The following BMERB1 variants were observed in gnomAD, a reference collection of about 807,000 sequenced individuals.
The protein encoded by BMERB1 is bMERB domain-containing protein 1.
In BMERB1, 12 loss-of-function variants were observed where a neutral mutation model predicts 23.6. That is an observed-to-expected ratio of 0.51 (90% CI 0.33 to 0.82). The LOEUF is 0.82. Among genes scored for constraint, BMERB1 ranks in the 40% least tolerant of loss-of-function variants. BMERB1 has a pLI of 0.03. For synonymous variants in BMERB1, 122 were observed against 96.6 expected, an observed-to-expected ratio of 1.26 and a Z score of -1.54; for missense variants, 247 against 255.4, an observed-to-expected ratio of 0.97 and a Z score of 0.22.
At chr16:15,499,036 A>T (rs777245294) in intron 1 of BMERB1, among the ~76,000 whole-genome samples, 3 of 152,218 alleles carry the variant, frequency 2.0e-5, no homozygotes, top group African/African-American at 4.8e-5. Flanking sequence ...CTTCCAGAGG[A>T]TTAGGCTGGA....
chr16:15,471,052 G>T (rs2051225224), intron 1 of BMERB1, among the ~76,000 whole-genome samples: 1 of 151,042 alleles, frequency 6.6e-6, no homozygotes, highest in South Asian at 2.1e-4. Context: ...GCCCAAGCTA[G>T]TCTTGAACTC....
rs1458670366 is a variant in BMERB1 at position 15,571,360 on chromosome 16, T to C, written c.304+3304T>C. ...AACTATGAGTCATACAAAAACCTAC[T>C]TTTTTTTTTTTTTTTGAGACGGAGT... On this transcript the variant is annotated intron_variant, in intron 3 of 5. Coordinates refer to ENST00000300006, the MANE Select transcript of BMERB1 (RefSeq NM_033201.3). Among the ~76,000 whole-genome samples, 5 of 116,394 alleles carry C rather than the reference T, an allele frequency of 4.3e-5. No homozygotes were observed. In the East Asian group the frequency reaches 1.0e-3, roughly 24 times the overall value. 76.4% of individuals were successfully genotyped at this position (116,394 alleles called of 152,430 possible).
chr16:15,501,621 C>T (rs2051531386), intron 1 of BMERB1, among the ~76,000 whole-genome samples: 1 of 152,176 alleles, frequency 6.6e-6, no homozygotes, highest in Admixed American at 6.6e-5. Context: ...ATTACAGGCA[C>T]ACACCACCAC....
intron 1 of BMERB1, among the ~76,000 whole-genome samples, chr16:15,503,351 G>A (rs2051549932): frequency 6.6e-6 from 1 of 151,584 alleles, no homozygotes; most frequent in Non-Finnish European, 1.5e-5. Flanking sequence ...GCGCGATCTC[G>A]GCTCACTGCA....
At chr16:15,531,701 A>G (rs992979623) in intron 2 of BMERB1, among the ~76,000 whole-genome samples, 2 of 152,202 alleles carry the variant, frequency 1.3e-5, no homozygotes, top group African/African-American at 4.8e-5. Context: ...AGATACCAGT[A>G]AATTGCATGT....
intron 3 of BMERB1, among the ~76,000 whole-genome samples, chr16:15,576,614 G>A (rs1419540200): frequency 6.6e-6 from 1 of 152,102 alleles, no homozygotes; most frequent in Non-Finnish European, 1.5e-5. Flanking sequence ...CAACAGAAAT[G>A]TATTCTCTCT....
chr16:15,449,452 C>T (rs1017231770), intron 1 of BMERB1, among the ~76,000 whole-genome samples: 1 of 152,132 alleles, frequency 6.6e-6, no homozygotes, highest in African/African-American at 2.4e-5. Flanking sequence ...TCACCCAGAC[C>T]CCAGATCTCA....
intron 2 of BMERB1, among the ~76,000 whole-genome samples, chr16:15,560,335 T>C (rs2030382540): frequency 1.3e-5 from 2 of 152,202 alleles, no homozygotes; most frequent in South Asian, 4.1e-4. Context: ...AGGAAAAAGA[T>C]TGCTGTGAAA....
chr16:15,571,829 T>C (rs935872723), intron 3 of BMERB1, among the ~76,000 whole-genome samples: 5 of 152,108 alleles, frequency 3.3e-5, no homozygotes, highest in African/African-American at 1.2e-4. Context: ...CAAATGCACA[T>C]TTGACTTCCT....
At chr16:15,465,464 T>C (rs958177528) in intron 1 of BMERB1, among the ~76,000 whole-genome samples, 9 of 151,772 alleles carry the variant, frequency 5.9e-5, no homozygotes, top group African/African-American at 2.2e-4. Context: ...GCGATTCTCA[T>C]GCCTCAGCCT....
At chr16:15,447,334 G>A (rs938355848) in intron 1 of BMERB1, among the ~76,000 whole-genome samples, 1 of 152,128 alleles carries the variant, frequency 6.6e-6, no homozygotes, top group African/African-American at 2.4e-5. Flanking sequence ...GTGACAGAGG[G>A]AAGCACCAGA....
In BMERB1 at chr16:15,547,890, A is replaced by G. The variant is rs193300162; in HGVS notation, c.231-20093A>G. Among the ~76,000 whole-genome samples the G allele has an allele frequency of 1.9e-3, 295 of 152,334 alleles. 3 individuals are homozygous for G. The highest frequency in any genetic ancestry group is 6.8e-3 in the African/African-American group (284 of 41,576). ...GGGATCTTCCTGTATAAAAGAGACAACCACGTAGTGCCCACCTCAAACAGT... is the reference window on the plus strand; with the variant it reads ...GGGATCTTCCTGTATAAAAGAGACAGCCACGTAGTGCCCACCTCAAACAGT... On this transcript the variant is annotated intron_variant, in intron 2 of 5. Coordinates refer to ENST00000300006, the MANE Select transcript of BMERB1 (RefSeq NM_033201.3).
intron 1 of BMERB1, among the ~76,000 whole-genome samples, chr16:15,462,762 GTAAA>G (rs1309004944): frequency 2.6e-5 from 4 of 152,280 alleles, no homozygotes; most frequent in Middle Eastern, 3.4e-3. Flanking sequence ...TGGAAAATGA[GTAAA>G]TATATCATGC....
chr16:15,493,132 C>A (rs1355051486), intron 1 of BMERB1, among the ~76,000 whole-genome samples: 1 of 152,112 alleles, frequency 6.6e-6, no homozygotes, highest in Middle Eastern at 3.2e-3. Flanking sequence ...GTGGGCAGAT[C>A]ACCTGAGTTC....
In BMERB1 at chr16:15,559,573, G is replaced by A. The variant is rs551667358; in HGVS notation, c.231-8410G>A. Among the ~76,000 whole-genome samples the A allele has an allele frequency of 5.9e-5, 9 of 152,332 alleles. No individual in the cohort carries two copies. In the South Asian group the frequency reaches 1.9e-3, roughly 32 times the overall value. ...CCTGGACTGCTGTGACGGTCTAGAA[G>A]AGTTTATGCACAGAAAGTGCATTTA... On this transcript the variant is annotated intron_variant, in intron 2 of 5. Coordinates refer to ENST00000300006, the MANE Select transcript of BMERB1 (RefSeq NM_033201.3).
intron 2 of BMERB1, among the ~76,000 whole-genome samples, chr16:15,519,073 T>TCACA (rs767637841): frequency 3.4e-5 from 1 of 29,486 alleles, no homozygotes; most frequent in Non-Finnish European, 6.5e-5. Context: ...AACAATCCTC[T>TCACA]TACACACACA....
chr16:15,482,006 C>T (rs936201804), intron 1 of BMERB1, among the ~76,000 whole-genome samples: 2 of 152,072 alleles, frequency 1.3e-5, no homozygotes, highest in Non-Finnish European at 2.9e-5. Context: ...GCTGGGATTA[C>T]AGGCATGAGC....
In BMERB1 at chr16:15,578,015, A is replaced by G. The variant is rs115676468; in HGVS notation, c.305-3202A>G. 7.0e-3 allele frequency among the ~76,000 whole-genome samples: 1,065 copies of G among 152,234 alleles called. 15 individuals carry two copies. The highest frequency in any genetic ancestry group is 0.025 in the African/African-American group (1,037 of 41,512). On this transcript the variant is annotated intron_variant, in intron 3 of 5. Transcript: ENST00000300006. ...GACCAATTATTATTTTAGAGAGACA[A>G]TTTTAACAACTGCCTGACATCACCT...
chr16:15,578,088 G>C (rs1015908353), intron 3 of BMERB1, among the ~76,000 whole-genome samples: 4 of 152,168 alleles, frequency 2.6e-5, no homozygotes, highest in Non-Finnish European at 5.9e-5. Flanking sequence ...CTCCTTTCTT[G>C]CTCATGGCTG....
Sources: gnomAD v4.1 joint callset for allele counts (sites outside exome capture counted in the v4.1 genomes callset) on GRCh38, gnomAD v4.1.1 for gene constraint, MANE v1.5 for transcripts, NCBI Gene and HGNC (gene_info 2026-07-23, HGNC 2026-07-21) for gene names.